HS6ST3: variants seen among roughly 807,000 people sequenced by gnomAD.
HS6ST3 encodes the protein heparan sulfate 6-O-sulfotransferase 3, also known as heparan-sulfate 6-O-sulfotransferase 3.
In HS6ST3, 12 loss-of-function variants were observed where a neutral mutation model predicts 36.7. That is an observed-to-expected ratio of 0.33 (90% CI 0.21 to 0.53). HS6ST3 has a LOEUF of 0.53. Ranked by LOEUF, HS6ST3 falls within the 20% of genes least tolerant of loss-of-function variation. The probability of loss-of-function intolerance (pLI) is 0.95; values close to 1 mark genes in which losing one functional copy is unlikely to be tolerated. For missense variants in HS6ST3, 584 were observed against 640.9 expected, an observed-to-expected ratio of 0.91 and a Z score of 0.96; for synonymous variants, 240 against 257.5, an observed-to-expected ratio of 0.93 and a Z score of 0.65.
intron 1 of HS6ST3, among the ~76,000 whole-genome samples, chr13:96,804,238 T>G (rs976905672): frequency 6.6e-6 from 1 of 151,988 alleles, no homozygotes; most frequent in Admixed American, 6.6e-5. Flanking sequence ...TGGAAGGATG[T>G]GCAGCTAAAC....
intron 1 of HS6ST3, among the ~76,000 whole-genome samples, chr13:96,227,683 T>G (rs2054487512): frequency 6.6e-6 from 1 of 152,204 alleles, no homozygotes; most frequent in African/African-American, 2.4e-5. Context: ...TGAGTCATAT[T>G]TTTTTCTGCA....
rs551195310 is a variant in HS6ST3 at position 96,568,508 on chromosome 13, C to T, written c.708-263982C>T. 1.1e-3 allele frequency among the ~76,000 whole-genome samples: 161 copies of T among 152,286 alleles called. 1 individual carries two copies. The highest frequency in any genetic ancestry group is 1.7e-3 in the African/African-American group (71 of 41,572). Reference sequence around the variant, plus strand: ...TCCTGACCTCGTGATCTGCCCGCCTCGGCCTCCCAAAGTGCTGGGATTACA... The same window carrying T: ...TCCTGACCTCGTGATCTGCCCGCCTTGGCCTCCCAAAGTGCTGGGATTACA... On this transcript the variant is annotated intron_variant, in intron 1 of 1. Coordinates refer to ENST00000376705, the MANE Select transcript of HS6ST3 (RefSeq NM_153456.4).
intron 1 of HS6ST3, among the ~76,000 whole-genome samples, chr13:96,487,669 T>A (rs2055922259): frequency 6.6e-6 from 1 of 152,116 alleles, no homozygotes; most frequent in Admixed American, 6.6e-5. Context: ...ATATGCCATG[T>A]CTTCTAGAAT....
chr13:96,097,863 G>T (rs534304522), intron 1 of HS6ST3, among the ~76,000 whole-genome samples: 4 of 152,300 alleles, frequency 2.6e-5, no homozygotes, highest in Admixed American at 2.6e-4. Flanking sequence ...CTGAATAAAT[G>T]TCGGCTTTTA....
chr13:96,166,050 T>G (rs1787378508), intron 1 of HS6ST3, among the ~76,000 whole-genome samples: 1 of 151,306 alleles, frequency 6.6e-6, no homozygotes. Context: ...ATTTATTTAT[T>G]TATTTATTTA....
At chr13:96,585,126 G>T (rs1442813123) in intron 1 of HS6ST3, among the ~76,000 whole-genome samples, 2 of 152,096 alleles carry the variant, frequency 1.3e-5, no homozygotes, top group Non-Finnish European at 2.9e-5. Flanking sequence ...CATATTTGTT[G>T]TACTATATTA....
chr13:96,367,379 A>G (rs766191931), intron 1 of HS6ST3, among the ~76,000 whole-genome samples: 3 of 152,184 alleles, frequency 2.0e-5, no homozygotes, highest in Non-Finnish European at 4.4e-5. Context: ...ATAGGGTTCA[A>G]ATTATTTTTG....
chr13:96,232,911 G>C (rs2054515393), intron 1 of HS6ST3, among the ~76,000 whole-genome samples: 1 of 152,192 alleles, frequency 6.6e-6, no homozygotes, highest in Non-Finnish European at 1.5e-5. Flanking sequence ...GTTAGGCCTA[G>C]TGTGTTTCAT....
At chr13:96,429,011 A>G (rs1012301547) in intron 1 of HS6ST3, among the ~76,000 whole-genome samples, 2 of 152,202 alleles carry the variant, frequency 1.3e-5, no homozygotes, top group African/African-American at 2.4e-5. Flanking sequence ...GTAAAACTCA[A>G]CGTGCTATGG....
At chr13:96,213,362 A>G (rs144239328) in intron 1 of HS6ST3, among the ~76,000 whole-genome samples, 234 of 151,612 alleles carry the variant, frequency 1.5e-3, no homozygotes, top group African/African-American at 5.5e-3. Context: ...TTTGCTGGGG[A>G]TATATTTTTA....
At chr13:96,102,985 C>T (rs563463345) in intron 1 of HS6ST3, among the ~76,000 whole-genome samples, 6 of 152,156 alleles carry the variant, frequency 3.9e-5, no homozygotes, top group Admixed American at 1.3e-4. Context: ...AAAATTTTAT[C>T]GGTACGTGTT....
chr13:96,512,219 C>T (rs992475735), intron 1 of HS6ST3, among the ~76,000 whole-genome samples: 2 of 152,146 alleles, frequency 1.3e-5, no homozygotes, highest in Admixed American at 6.6e-5. Flanking sequence ...TCTGCAAGAA[C>T]ATTCTCTATA....
At chr13:96,444,125 A>C (rs2055686948) in intron 1 of HS6ST3, among the ~76,000 whole-genome samples, 1 of 152,248 alleles carries the variant, frequency 6.6e-6, no homozygotes, top group South Asian at 2.1e-4. Flanking sequence ...AGTGTGAAGC[A>C]GGCAACTCTT....
chr13:96,614,004 A>C (rs981229146), intron 1 of HS6ST3, among the ~76,000 whole-genome samples: 1 of 152,108 alleles, frequency 6.6e-6, no homozygotes, highest in Non-Finnish European at 1.5e-5. Flanking sequence ...AACAGGTACA[A>C]AAGTTATTAC....
intron 1 of HS6ST3, among the ~76,000 whole-genome samples, chr13:96,409,465 A>G (rs2055496405): frequency 6.6e-6 from 1 of 152,196 alleles, no homozygotes; most frequent in Non-Finnish European, 1.5e-5. Context: ...TATTTGTTAA[A>G]CTTATGACTC....
chr13:96,700,192 G>A (rs1311622630), intron 1 of HS6ST3, among the ~76,000 whole-genome samples: 1 of 152,202 alleles, frequency 6.6e-6, no homozygotes, highest in African/African-American at 2.4e-5. Flanking sequence ...ACAGTTCCAT[G>A]TAGCTGGGGA....
intron 1 of HS6ST3, among the ~76,000 whole-genome samples, chr13:96,203,887 C>T (rs1309083936): frequency 6.6e-6 from 1 of 152,176 alleles, no homozygotes; most frequent in Admixed American, 6.6e-5. Context: ...CTGTACATCC[C>T]TCTACCCTCA....
At chr13:96,236,817 C>G (rs1206714460) in intron 1 of HS6ST3, among the ~76,000 whole-genome samples, 3 of 152,196 alleles carry the variant, frequency 2.0e-5, no homozygotes, top group African/African-American at 7.2e-5. Flanking sequence ...ATCTGCTCTC[C>G]TCAAATCTTT....
At chr13:96,353,984 A>G (rs1043879712) in intron 1 of HS6ST3, among the ~76,000 whole-genome samples, 2 of 152,176 alleles carry the variant, frequency 1.3e-5, no homozygotes, top group African/African-American at 4.8e-5. Context: ...ATCTCTCAAA[A>G]TGAAATATTC....
Sources: gnomAD v4.1 joint callset for allele counts (sites outside exome capture counted in the v4.1 genomes callset) on GRCh38, gnomAD v4.1.1 for gene constraint, MANE v1.5 for transcripts, NCBI Gene and HGNC (gene_info 2026-07-23, HGNC 2026-07-21) for gene names.